Variants in CCDC7 observed in about 807,000 individuals in gnomAD.
CCDC7 encodes coiled-coil domain-containing protein 7.
In CCDC7, 183 loss-of-function variants were observed where a neutral mutation model predicts 196.9. That is an observed-to-expected ratio of 0.93 (90% confidence interval 0.82 to 1.05). The LOEUF is 1.05. Among genes scored for constraint, CCDC7 ranks in the 50% least tolerant of loss-of-function variants. CCDC7 has a pLI of 0.00. For missense variants in CCDC7, 1,540 were observed against 1,482.2 expected (o/e 1.04, Z -0.64); for synonymous variants, 525 against 484.6 (o/e 1.08, Z -1.10).
intron 8 of CCDC7, among the ~76,000 whole-genome samples, chr10:32,488,435 G>A (rs1490611952): frequency 1.3e-5 from 2 of 152,200 alleles, no homozygotes; most frequent in Non-Finnish European, 2.9e-5. Context: ...GTGCTTCCCA[G>A]GTGAGGCAAT....
At chr10:32,520,815 G>C (rs976071093) in intron 11 of CCDC7, among the ~76,000 whole-genome samples, 6 of 152,092 alleles carry the variant, frequency 3.9e-5, no homozygotes, top group African/African-American at 1.4e-4. Context: ...ATGCTAGAGA[G>C]TTTCTCCAAT....
chr10:32,746,124 C>T (rs531015950), intron 28 of CCDC7, among the ~76,000 whole-genome samples: 51 of 152,108 alleles, frequency 3.4e-4, no homozygotes, highest in African/African-American at 1.1e-3. Context: ...ATCAAGAAGA[C>T]GGACACACTC....
intron 8 of CCDC7, among the ~76,000 whole-genome samples, chr10:32,482,884 A>C (rs2040255604): frequency 6.6e-6 from 1 of 152,228 alleles, no homozygotes; most frequent in Admixed American, 6.5e-5. Flanking sequence ...ACATTTTCTT[A>C]ATCCAGTCTA....
intron 28 of CCDC7, among the ~76,000 whole-genome samples, chr10:32,756,930 A>G (rs558412064): frequency 6.6e-6 from 1 of 152,360 alleles, no homozygotes; most frequent in Admixed American, 6.5e-5. Context: ...TGGAAAACAA[A>G]GAAAAAGCAG....
chr10:32,708,142 GA>G (rs1565230481), intron 24 of CCDC7, among the ~76,000 whole-genome samples: 3 of 152,012 alleles, frequency 2.0e-5, no homozygotes, highest in African/African-American at 7.2e-5. Context: ...CAATGGAAAA[GA>G]ATAGAGCCCT....
intron 11 of CCDC7, among the ~76,000 whole-genome samples, chr10:32,530,009 A>T (rs1478688056): frequency 1.3e-5 from 2 of 152,130 alleles, no homozygotes; most frequent in Non-Finnish European, 2.9e-5. Context: ...TTATCCCAGC[A>T]CCATTTGTTG....
At chr10:32,508,737 T>C (rs2045601437) in intron 9 of CCDC7, among the ~76,000 whole-genome samples, 1 of 151,422 alleles carries the variant, frequency 6.6e-6, no homozygotes, top group African/African-American at 2.4e-5. Flanking sequence ...ATCAAGCAAT[T>C]CTCCTGCCTC....
chr10:32,666,402 G>C (rs1180865961), intron 21 of CCDC7, among the ~76,000 whole-genome samples: 2 of 151,832 alleles, frequency 1.3e-5, no homozygotes, highest in East Asian at 3.9e-4. Flanking sequence ...TATACTTTAC[G>C]TTCTAGGGTA....
At chr10:32,517,053 A>G (rs1386000893) in intron 9 of CCDC7, among the ~76,000 whole-genome samples, 1 of 152,216 alleles carries the variant, frequency 6.6e-6, no homozygotes, top group Non-Finnish European at 1.5e-5. Context: ...ATGTCACCAA[A>G]CTGTGTCAGC....
At chr10:32,572,308 C>T (rs1350127541) in intron 16 of CCDC7, among the ~76,000 whole-genome samples, 1 of 152,116 alleles carries the variant, frequency 6.6e-6, no homozygotes, top group Admixed American at 6.5e-5. Flanking sequence ...CATGCATACA[C>T]ATAAATAATT....
chr10:32,874,753 T>C (rs866262054), intron 41 of CCDC7, among the ~76,000 whole-genome samples: 1 of 145,244 alleles, frequency 6.9e-6, no homozygotes, highest in Non-Finnish European at 1.5e-5. Flanking sequence ...CCAACATATC[T>C]ACACACACAC....
At chr10:32,796,867 A>G (rs895130884) in intron 29 of CCDC7, among the ~76,000 whole-genome samples, 3 of 152,238 alleles carry the variant, frequency 2.0e-5, no homozygotes, top group African/African-American at 7.2e-5. Flanking sequence ...GGAATTAATA[A>G]CATATAAAAA....
intron 21 of CCDC7, among the ~76,000 whole-genome samples, chr10:32,668,376 G>T (rs1288609192): frequency 3.9e-5 from 6 of 152,038 alleles, no homozygotes; most frequent in Non-Finnish European, 7.4e-5. Flanking sequence ...TCTCCTGCCT[G>T]ATTGCCCTGG....
intron 16 of CCDC7, among the ~76,000 whole-genome samples, chr10:32,572,844 G>C (rs970667302): frequency 6.7e-6 from 1 of 148,780 alleles, no homozygotes; most frequent in African/African-American, 2.5e-5. Flanking sequence ...GAAATAGGAA[G>C]GAATAAAGCA....
intron 1 of CCDC7, among the ~76,000 whole-genome samples, chr10:32,452,468 C>T (rs576625412): frequency 4.6e-5 from 7 of 152,032 alleles, no homozygotes; most frequent in Admixed American, 2.6e-4. Context: ...GCTCTTTTTT[C>T]GTTTCTTGAG....
Position 32,678,746 on chromosome 10 carries a change from G to T in CCDC7, c.2123-7224G>T, listed in dbSNP as rs186285431. On this transcript the variant is annotated intron_variant, in intron 21 of 41. Transcript: ENST00000639629. ...CTGAAAAGCCCAGGAGATCTCTCTT[G>T]GCACTGTGCTGTGACAGCTTGGGGA... Among the ~76,000 whole-genome samples, 9 of 152,258 alleles carry T rather than the reference G, an allele frequency of 5.9e-5. No homozygotes were observed. In the East Asian group the frequency reaches 1.7e-3, roughly 29 times the overall value.
intron 18 of CCDC7, among the ~76,000 whole-genome samples, chr10:32,589,784 C>G (rs1160403696): frequency 6.6e-6 from 1 of 151,958 alleles, no homozygotes; most frequent in Non-Finnish European, 1.5e-5. Context: ...CTAAATTTAC[C>G]CCTTTATCAT....
chr10:32,657,176 A>G (rs1214981253), intron 20 of CCDC7, among the ~76,000 whole-genome samples: 1 of 152,150 alleles, frequency 6.6e-6, no homozygotes, highest in Non-Finnish European at 1.5e-5. Flanking sequence ...CAGCTTTTCC[A>G]GGCACATGAT....
At chr10:32,726,261 A>T (rs1052814932) in intron 25 of CCDC7, among the ~76,000 whole-genome samples, 2 of 151,968 alleles carry the variant, frequency 1.3e-5, no homozygotes, top group African/African-American at 4.8e-5. Flanking sequence ...CATAATATGT[A>T]TAGAATTATA....
Sources: allele counts gnomAD v4.1 joint callset (sites outside exome capture counted in the v4.1 genomes callset), GRCh38; gene constraint gnomAD v4.1.1; transcripts MANE v1.5; gene names NCBI Gene and HGNC (gene_info 2026-07-23, HGNC 2026-07-21).